Variants in MTOR observed in about 807,000 individuals in gnomAD.
The protein encoded by MTOR is serine/threonine-protein kinase mTOR.
MTOR carries 70 observed loss-of-function variants against 319.8 expected under a neutral mutation model. The ratio of observed to expected loss-of-function variants is 0.22; its 90% CI spans 0.18 to 0.27. The LOEUF (loss-of-function observed/expected upper bound fraction) is 0.27. Ranked by LOEUF, MTOR falls within the 10% of genes least tolerant of loss-of-function variation. The probability of loss-of-function intolerance (pLI) is 1.00; values close to 1 mark genes in which losing one functional copy is unlikely to be tolerated. For synonymous variants in MTOR, 1,183 were observed against 1,211.4 expected (o/e 0.98, Z 0.49); for missense variants, 1,890 against 3,274.4 (o/e 0.58, Z 10.32).
At chr1:11,163,231 G>C (rs1644534688) in intron 29 of MTOR, among the ~76,000 whole-genome samples, 1 of 152,164 alleles carries the variant, frequency 6.6e-6, no homozygotes, top group South Asian at 2.1e-4. Flanking sequence ...AACAAGAAGA[G>C]CTAACTATCC....
chr1:11,256,830 T>C (rs1271611724), intron 4 of MTOR, 103 bp downstream of exon 4: 2 of 1,145,854 alleles, frequency 1.7e-6, no homozygotes, highest in Non-Finnish European at 2.5e-6. Context: ...CTAGCTCTTC[T>C]AACCAGCTTT....
chr1:11,144,201 T>C (rs1643844320), intron 34 of MTOR, among the ~76,000 whole-genome samples: 1 of 152,076 alleles, frequency 6.6e-6, no homozygotes, highest in African/African-American at 2.4e-5. Context: ...GTTCTTAGCT[T>C]TGGCTGGTGG....
intron 28 of MTOR, chr1:11,193,757 C>T (rs752323454): frequency 6.2e-7 from 1 of 1,614,182 alleles, no homozygotes; most frequent in South Asian, 1.1e-5. Context: ...GCCAACCCGG[C>T]TGCGTGTAGA....
At chr1:11,188,613 CTG>C (rs1337704161) in intron 28 of MTOR, among the ~76,000 whole-genome samples, 1 of 152,230 alleles carries the variant, frequency 6.6e-6, no homozygotes, top group African/African-American at 2.4e-5. Flanking sequence ...GTTTTCATCT[CTG>C]TTGTAATCTT....
chr1:11,242,914 C>T (rs1204423373), intron 9 of MTOR, among the ~76,000 whole-genome samples, 200 bp downstream of exon 9: 3 of 152,116 alleles, frequency 2.0e-5, no homozygotes, highest in Non-Finnish European at 4.4e-5. Context: ...GGTATTCAAC[C>T]TCCCCAAATA....
chr1:11,199,389 C>T lies in MTOR; in HGVS notation c.4122G>A (p.Leu1374=), dbSNP rs995745660. The change falls in exon 28 of 58, where the codon CTG becomes CTA. Residue 1374 remains leucine, a synonymous_variant. Transcript: ENST00000361445. The surrounding 1 kb of genome is among the most constrained non-coding windows in gnomAD (Gnocchi z 4.5). ...GCAGAACAATGCCATTGTCATCTCT[C>T]AGTGGCAGGGGGCCCTGGAGAAGAG... ...MEHSDKGPLP[L]RDDNGIVLLG... is the part of the protein sequence containing the mutation. The T allele has an allele frequency of 1.2e-6, 2 of 1,614,074 alleles. No individual in the cohort carries two copies. The highest frequency in any genetic ancestry group is 1.3e-5 in the African/African-American group (1 of 74,928).
chr1:11,184,354 C>T (rs545516659), intron 28 of MTOR, among the ~76,000 whole-genome samples: 38 of 152,290 alleles, frequency 2.5e-4, no homozygotes, highest in Non-Finnish European at 1.5e-4. Context: ...AATCCTAATG[C>T]CAAATGACCC....
chr1:11,144,269 T>C (rs938297761), intron 34 of MTOR, among the ~76,000 whole-genome samples: 3 of 152,124 alleles, frequency 2.0e-5, no homozygotes, highest in African/African-American at 4.8e-5. Context: ...AGAAATTTAA[T>C]TGGCCTGGGG....
chr1:11,204,724 A>G, intron 25 of MTOR, 21 bp from the exon 26 acceptor site: 1 of 1,608,012 alleles, frequency 6.2e-7, no homozygotes. Flanking sequence ...ACAGGTGACA[A>G]TGGAAAACAA....
At chr1:11,247,266 G>A (rs1246321770) in intron 8 of MTOR, among the ~76,000 whole-genome samples, 2 of 152,344 alleles carry the variant, frequency 1.3e-5, no homozygotes, top group Non-Finnish European at 2.9e-5. Flanking sequence ...CTCAGGGACA[G>A]AAGCAGGACG....
intron 20 of MTOR, among the ~76,000 whole-genome samples, chr1:11,214,399 C>T (rs986051576): frequency 1.3e-5 from 2 of 152,202 alleles, no homozygotes; most frequent in Admixed American, 6.5e-5. Context: ...GCAAATTAGT[C>T]CAAGCCTCTA....
intron 34 of MTOR, among the ~76,000 whole-genome samples, chr1:11,142,114 C>T (rs867182678): frequency 2.6e-5 from 4 of 152,098 alleles, no homozygotes; most frequent in Admixed American, 1.3e-4. Context: ...AGGTTGGGGA[C>T]GGCTGCCTAA....
intron 34 of MTOR, among the ~76,000 whole-genome samples, chr1:11,143,519 C>A (rs1051917377): frequency 3.3e-5 from 5 of 152,202 alleles, no homozygotes; most frequent in Admixed American, 6.5e-5. Flanking sequence ...ATTCACTGGG[C>A]ATTTCATAAT....
chr1:11,125,712 G>C (rs1318161502), intron 46 of MTOR, among the ~76,000 whole-genome samples: 1 of 126,364 alleles, frequency 7.9e-6, no homozygotes, highest in Non-Finnish European at 1.6e-5. Flanking sequence ...CTGGGCAACA[G>C]AGTGAGACTC....
chr1:11,217,576 T>C (rs541410088), intron 19 of MTOR, among the ~76,000 whole-genome samples: 41 of 151,192 alleles, frequency 2.7e-4, no homozygotes, highest in African/African-American at 9.7e-4. Context: ...AATTTTTTTT[T>C]TTTTTTGTAT....
chr1:11,174,584 C>A (rs576171106), intron 28 of MTOR, among the ~76,000 whole-genome samples: 12 of 152,282 alleles, frequency 7.9e-5, no homozygotes, highest in Admixed American at 3.3e-4. Context: ...CCACTAAGTC[C>A]CAGATCTCCT....
chr1:11,213,151 A>G (rs1646363386), intron 21 of MTOR, among the ~76,000 whole-genome samples: 1 of 152,246 alleles, frequency 6.6e-6, no homozygotes, highest in Non-Finnish European at 1.5e-5. Context: ...AAAATAAAGA[A>G]AATTAGTCTG....
chr1:11,157,953 T>C (rs2100571726), intron 29 of MTOR, among the ~76,000 whole-genome samples: 1 of 152,320 alleles, frequency 6.6e-6, no homozygotes, highest in South Asian at 2.1e-4. Context: ...TCCTGCTCAG[T>C]GCTTGGCAGG....
chr1:11,257,772 G>A (rs905741053), intron 3 of MTOR, among the ~76,000 whole-genome samples: 1 of 152,106 alleles, frequency 6.6e-6, no homozygotes, highest in Non-Finnish European at 1.5e-5. Context: ...AACTGGGACT[G>A]GATAATAATT....
Sources: allele counts gnomAD v4.1 joint callset (sites outside exome capture counted in the v4.1 genomes callset), GRCh38; gene constraint gnomAD v4.1.1; non-coding constraint Gnocchi (gnomAD v3.1); transcripts MANE v1.5; gene names NCBI Gene and HGNC (gene_info 2026-07-23, HGNC 2026-07-21).